The following GLYR1 variants were observed in gnomAD, a reference collection of about 807,000 sequenced individuals.
GLYR1 encodes the protein glyoxylate reductase 1 homolog.
In GLYR1, 21 loss-of-function variants were observed where a neutral mutation model predicts 72.7. The observed-to-expected ratio is 0.29, with a 90% CI of 0.20 to 0.42. The LOEUF is 0.42. GLYR1 is among the 10% of genes least tolerant of loss of function. GLYR1 has a pLI of 1.00. For synonymous variants in GLYR1, 392 were observed against 270.2 expected, an observed-to-expected ratio of 1.45 and a Z score of -4.42; for missense variants, 594 against 712.1, an observed-to-expected ratio of 0.83 and a Z score of 1.89.
intron 15 of GLYR1, among the ~76,000 whole-genome samples, chr16:4,809,356 A>AT (rs1260798534): frequency 2.0e-5 from 3 of 151,368 alleles, no homozygotes; most frequent in African/African-American, 4.9e-5. Flanking sequence ...TGCCCAGCTA[A>AT]TTTTTTGTAT....
chr16:4,824,252 T>C (rs1432044720), intron 5 of GLYR1, among the ~76,000 whole-genome samples: 1 of 152,052 alleles, frequency 6.6e-6, no homozygotes, highest in African/African-American at 2.4e-5. Flanking sequence ...TGGTGGCTCA[T>C]GTCTGTAATC....
intron 5 of GLYR1, among the ~76,000 whole-genome samples, chr16:4,825,051 T>G (rs2141996387): frequency 6.6e-6 from 1 of 152,294 alleles, no homozygotes; most frequent in Non-Finnish European, 1.5e-5. Context: ...TACTAATACC[T>G]AAGCTCAGGC....
intron 15 of GLYR1, among the ~76,000 whole-genome samples, chr16:4,809,838 C>T (rs994737777): frequency 1.8e-4 from 27 of 151,384 alleles, no homozygotes; most frequent in South Asian, 1.0e-3. Context: ...GCATGAGAAT[C>T]GCTTGAACTT....
At chr16:4,843,473 C>T in intron 3 of GLYR1, 1 of 1,252,340 alleles carries the variant, frequency 8.0e-7, no homozygotes, top group Non-Finnish European at 1.0e-6. Context: ...TTTTTAAATC[C>T]ATGGAGTTCT....
chr16:4,816,990 C>G (rs369945309), intron 10 of GLYR1, among the ~76,000 whole-genome samples: 1 of 149,666 alleles, frequency 6.7e-6, no homozygotes, highest in African/African-American at 2.5e-5. Context: ...TGTTGCCAGG[C>G]TGGAGTGCAG....
At chr16:4,830,296 G>A (rs969230959) in intron 5 of GLYR1, among the ~76,000 whole-genome samples, 3 of 147,798 alleles carry the variant, frequency 2.0e-5, no homozygotes, top group Non-Finnish European at 4.4e-5. Context: ...CTGGGCTCAT[G>A]TGATCTTCCT....
In GLYR1 at chr16:4,805,338, C is replaced by G. The variant is rs373366516; in HGVS notation, c.1588-28G>C. 16 of 1,600,696 alleles carry G rather than the reference C, an allele frequency of 1.0e-5. No homozygotes were observed. The Admixed American group carries it at 2.7e-4, about 27-fold the overall frequency. On this transcript the variant is annotated intron_variant, in intron 15 of 15. Transcript: ENST00000321919. Reference sequence around the variant, plus strand: ...GGAAAAAAAAGAGATGGCTCAGTCTCTGGCCCCAGAGCTGCCTTCAAGACC... The same window carrying G: ...GGAAAAAAAAGAGATGGCTCAGTCTGTGGCCCCAGAGCTGCCTTCAAGACC...
intron 5 of GLYR1, among the ~76,000 whole-genome samples, chr16:4,825,054 G>A (rs1029629882): frequency 6.6e-5 from 10 of 152,072 alleles, no homozygotes; most frequent in Non-Finnish European, 1.3e-4. Context: ...TAATACCTAA[G>A]CTCAGGCCAC....
At chr16:4,805,956 G>C (rs1413503259) in intron 15 of GLYR1, among the ~76,000 whole-genome samples, 3 of 152,152 alleles carry the variant, frequency 2.0e-5, no homozygotes, top group Non-Finnish European at 1.5e-5. Flanking sequence ...ACTCCAGTCT[G>C]GGTGACAGAG....
chr16:4,821,843 A>C (rs1236057467), intron 7 of GLYR1, among the ~76,000 whole-genome samples: 2 of 152,200 alleles, frequency 1.3e-5, no homozygotes, highest in Non-Finnish European at 2.9e-5. Context: ...CTTGGAACCC[A>C]CATCTATCCA....
At position 4,828,315 on chromosome 16, in the gene GLYR1, C is replaced by T. The variant is rs144098264; in HGVS notation, c.537+3664G>A. Among the ~76,000 whole-genome samples, 857 of 152,050 alleles carry T rather than the reference C, an allele frequency of 5.6e-3. 11 individuals are homozygous for T. Among genetic ancestry groups the T allele is most frequent in the Non-Finnish European group, 6.7e-3 (458 of 67,926 alleles). On this transcript the variant is annotated intron_variant, in intron 5 of 15. Transcript: ENST00000321919. ...CCATCTCCTGACCTCATGATCCGCC[C>T]GCCTCGGCCTCCCAAAGCGCTGGGA...
intron 2 of GLYR1, 63 bp downstream of exon 2, chr16:4,846,111 C>G (rs1258116673): frequency 1.3e-6 from 2 of 1,550,314 alleles, no homozygotes; most frequent in East Asian, 2.2e-5. Context: ...AGGAATGCAT[C>G]TTACATTCTC....
rs1023209641 is a variant in GLYR1, at chr16:4,804,940, T to TGTGC, written c.*295_*296insGCAC. On this transcript the variant is annotated 3_prime_UTR_variant, in exon 16 of 16. Transcript: ENST00000321919. Reference sequence around the variant, plus strand: ...CTATCCTGGGGCGAGAGCCTGTGTGTGTGTGTGTGTGTGTGTGTGTGTGTG... The same window carrying TGTGC: ...CTATCCTGGGGCGAGAGCCTGTGTGTGTGCGTGTGTGTGTGTGTGTGTGTGTGTG... 1 of 432,018 alleles carries TGTGC rather than the reference T, an allele frequency of 2.3e-6. No homozygotes were observed. Among genetic ancestry groups the TGTGC allele is most frequent in the African/African-American group, 2.3e-5 (1 of 44,064 alleles). 26.8% of individuals were successfully genotyped at this position (432,018 alleles called of 1,614,324 possible).
intron 7 of GLYR1, among the ~76,000 whole-genome samples, chr16:4,822,133 C>A (rs1046978968): frequency 7.3e-6 from 1 of 136,496 alleles, no homozygotes; most frequent in East Asian, 2.0e-4. Context: ...GTCGCCCAGG[C>A]TGGAGTGCAG....
At chr16:4,812,792 G>C (rs1387666573) in intron 12 of GLYR1, among the ~76,000 whole-genome samples, 1 of 150,396 alleles carries the variant, frequency 6.6e-6, no homozygotes, top group Non-Finnish European at 1.5e-5. Context: ...CGCCTGGCCG[G>C]AATTTTTTTG....
At position 4,807,718 on chromosome 16, in the gene GLYR1, A is replaced by C. The variant is rs567192281; in HGVS notation, c.1588-2408T>G. 2.6e-5 allele frequency among the ~76,000 whole-genome samples: 4 copies of C among 152,324 alleles called. No individual in the cohort carries two copies. The South Asian group carries it at 8.3e-4, about 32-fold the overall frequency. ...GGAGGCAACTTGGAAGTCACTTCAA[A>C]GAGAAGCTTTCCCAGCCCAAGCCAC... On this transcript the variant is annotated intron_variant, in intron 15 of 15. Transcript: ENST00000321919.
intron 12 of GLYR1, among the ~76,000 whole-genome samples, chr16:4,813,163 C>T (rs2083426439): frequency 6.6e-6 from 1 of 151,810 alleles, no homozygotes; most frequent in South Asian, 2.1e-4. Context: ...TGGGGTTTCA[C>T]CGTGTTAGCC....
chr16:4,821,906 T>A (rs1057242437), intron 7 of GLYR1, among the ~76,000 whole-genome samples: 2 of 152,220 alleles, frequency 1.3e-5, no homozygotes, highest in African/African-American at 4.8e-5. Context: ...GGCCACCCCA[T>A]AACCTTGCAG....
At position 4,812,111 on chromosome 16, in the gene GLYR1, C is replaced by T. The variant is rs368086572; in HGVS notation, c.1257G>A (p.Ala419=). Residue 419 remains alanine, a synonymous_variant, in exon 13 of 16, where the codon GCG becomes GCA. Coordinates refer to ENST00000321919, the MANE Select transcript of GLYR1 (RefSeq NM_032569.4). The part of the protein sequence containing the change: ...LYEDCSSCFQ[A]MGKTSFFLGE... Reference sequence around the variant, plus strand: ...CTAGGAAGAAGGAGGTCTTCCCCATCGCCTGGAAGCAGCTGCTGCAGTCCT... The same window carrying T: ...CTAGGAAGAAGGAGGTCTTCCCCATTGCCTGGAAGCAGCTGCTGCAGTCCT... The T allele has an allele frequency of 8.0e-5, 129 of 1,613,962 alleles. No homozygotes were observed. The highest frequency in any genetic ancestry group is 1.0e-4 in the Non-Finnish European group (119 of 1,179,920).
Sources: allele counts gnomAD v4.1 joint callset (sites outside exome capture counted in the v4.1 genomes callset), GRCh38; gene constraint gnomAD v4.1.1; transcripts MANE v1.5; gene names NCBI Gene and HGNC (gene_info 2026-07-23, HGNC 2026-07-21).